The following AFF2 variants were observed in gnomAD, a reference collection of about 807,000 sequenced individuals.
AFF2 encodes AF4/FMR2 family member 2.
In AFF2, 14 loss-of-function variants were observed where a neutral mutation model predicts 76.9. The ratio of observed to expected loss-of-function variants is 0.18; its 90% confidence interval spans 0.12 to 0.28. The LOEUF is 0.28. Ranked by LOEUF, AFF2 falls within the 10% of genes least tolerant of loss-of-function variation. The pLI is 1.00. For synonymous variants in AFF2, 398 were observed against 366.7 expected, an observed-to-expected ratio of 1.09 and a Z score of -0.98; for missense variants, 868 against 1,001.1, an observed-to-expected ratio of 0.87 and a Z score of 1.79.
At chrX:148,868,709 TG>T (rs2070936514) in intron 7 of AFF2, among the ~76,000 whole-genome samples, 1 of 112,645 alleles carries the variant, frequency 8.9e-6, no homozygotes, top group Non-Finnish European at 1.9e-5. Flanking sequence ...TTCTGGAGGC[TG>T]GAAGTCCAAG....
intron 15 of AFF2, among the ~76,000 whole-genome samples, chrX:148,968,779 C>T (rs1329728823): frequency 8.9e-6 from 1 of 112,086 alleles, no homozygotes; most frequent in Non-Finnish European, 1.9e-5. Context: ...GCAATTTTCC[C>T]CTGCTCCTGC....
At chrX:148,985,229 G>A (rs1334976780) in intron 19 of AFF2, among the ~76,000 whole-genome samples, 3 of 96,302 alleles carry the variant, frequency 3.1e-5, no homozygotes, top group Non-Finnish European at 6.1e-5. Context: ...CAGGTGATCC[G>A]ACCCCCTTGG....
intron 10 of AFF2, among the ~76,000 whole-genome samples, chrX:148,954,613 T>A (rs2072010355): frequency 8.9e-6 from 1 of 111,933 alleles, no homozygotes; most frequent in African/African-American, 3.2e-5. Flanking sequence ...AATGAGAGAA[T>A]AAGGTTCTAG....
intron 8 of AFF2, among the ~76,000 whole-genome samples, chrX:148,887,698 A>G (rs1440459274): frequency 9.0e-6 from 1 of 111,693 alleles, no homozygotes. Flanking sequence ...TGTTGCCGCT[A>G]GTCATGATGT....
At chrX:148,833,558 C>A (rs373764099) in intron 4 of AFF2, among the ~76,000 whole-genome samples, 6 of 107,336 alleles carry the variant, frequency 5.6e-5, no homozygotes, top group African/African-American at 2.0e-4. Flanking sequence ...GCCAATATGG[C>A]GCCACTGCAC....
At chrX:148,960,572 A>T (rs2072097585) in intron 12 of AFF2, among the ~76,000 whole-genome samples, 1 of 112,693 alleles carries the variant, frequency 8.9e-6, no homozygotes, top group Non-Finnish European at 1.9e-5. Context: ...AGAATGAAGC[A>T]ATGACTGACC....
intron 1 of AFF2, among the ~76,000 whole-genome samples, chrX:148,522,963 T>A (rs2052617678): frequency 8.9e-6 from 1 of 112,170 alleles, no homozygotes; most frequent in Non-Finnish European, 1.9e-5. Flanking sequence ...TCATGCAAAT[T>A]TCCTGAGGTC....
At chrX:148,805,729 C>G (rs782018768) in intron 3 of AFF2, among the ~76,000 whole-genome samples, 118 of 112,737 alleles carry the variant, frequency 1.0e-3, no homozygotes, top group African/African-American at 3.5e-3. Context: ...TGTGTGTGGT[C>G]TCTCTGTGGC....
chrX:148,505,433 C>T (rs2052401383), intron 1 of AFF2, among the ~76,000 whole-genome samples: 1 of 111,986 alleles, frequency 8.9e-6, no homozygotes, highest in Non-Finnish European at 1.9e-5. Context: ...TAGAAAATGA[C>T]TGCCTGGAAA....
intron 1 of AFF2, among the ~76,000 whole-genome samples, chrX:148,509,838 T>C (rs1344794168): frequency 8.9e-6 from 1 of 112,340 alleles, no homozygotes; most frequent in Admixed American, 9.4e-5. Flanking sequence ...TGTTTACGAT[T>C]AGCTGTTTGG....
chrX:148,755,289 A>C (rs1165438676), intron 3 of AFF2, among the ~76,000 whole-genome samples: 1 of 112,209 alleles, frequency 8.9e-6, no homozygotes, highest in Non-Finnish European at 1.9e-5. Context: ...GTCTGTGCTT[A>C]ATTATGATAT....
At chrX:148,720,661 GTAATATTT>G (rs199964332) in intron 3 of AFF2, among the ~76,000 whole-genome samples, 9,181 of 111,226 alleles carry the variant, frequency 0.083, 295 homozygotes, top group Middle Eastern at 0.21. Context: ...ATATTTGTTA[GTAATATTT>G]TGATAATAAC....
intron 4 of AFF2, among the ~76,000 whole-genome samples, chrX:148,833,603 A>C (rs75901774): frequency 8.1e-4 from 1 of 1,230 alleles, no homozygotes; most frequent in South Asian, 0.016. Context: ...CGCTGTCTCA[A>C]AAAAAAAAAA....
chrX:148,790,766 T>C (rs1360599146), intron 3 of AFF2, among the ~76,000 whole-genome samples: 1 of 111,490 alleles, frequency 9.0e-6, no homozygotes, highest in Non-Finnish European at 1.9e-5. Flanking sequence ...GATGGGTTGA[T>C]AGGTGCAAAA....
At chrX:148,660,633 A>G (rs2054295439) in intron 2 of AFF2, among the ~76,000 whole-genome samples, 1 of 111,965 alleles carries the variant, frequency 8.9e-6, no homozygotes, top group East Asian at 2.8e-4. Context: ...CCTCCTGTGC[A>G]CTGAAAATGT....
intron 7 of AFF2, among the ~76,000 whole-genome samples, chrX:148,845,107 A>T (rs1463843733): frequency 3.2e-5 from 2 of 62,682 alleles, no homozygotes; most frequent in African/African-American, 9.5e-5. Flanking sequence ...AATAAGATTC[A>T]CACACATACA....
In AFF2 at chrX:148,780,663, G is replaced by A. The variant is rs190488604; in HGVS notation, c.1042-29213G>A. Among the ~76,000 whole-genome samples, 100 of 111,383 alleles carry A rather than the reference G, an allele frequency of 9.0e-4. 2 individuals carry two copies. The highest frequency in any genetic ancestry group is 2.8e-3 in the African/African-American group (85 of 30,618). On this transcript the variant is annotated intron_variant, in intron 3 of 20. Transcript: ENST00000370460. ...AGCAATTCCTCTAACCTTTTTTCAA[G>A]GTTCTTAGCTTCCTTGCATTAGGTT...
intron 20 of AFF2, among the ~76,000 whole-genome samples, chrX:148,988,023 G>C (rs1181851569): frequency 2.7e-5 from 3 of 111,939 alleles, no homozygotes; most frequent in African/African-American, 9.7e-5. Context: ...CCAAAGTTCA[G>C]CTAGTACTTT....
At chrX:148,729,751 C>T (rs1305693653) in intron 3 of AFF2, among the ~76,000 whole-genome samples, 1 of 111,931 alleles carries the variant, frequency 8.9e-6, no homozygotes, top group African/African-American at 3.2e-5. Context: ...AGAGTGATCT[C>T]GCTAATTCGG....
Sources: gnomAD v4.1 joint callset for allele counts (sites outside exome capture counted in the v4.1 genomes callset) on GRCh38, gnomAD v4.1.1 for gene constraint, MANE v1.5 for transcripts, NCBI Gene and HGNC (gene_info 2026-07-23, HGNC 2026-07-21) for gene names.